KLF12: variants seen among roughly 807,000 people sequenced by gnomAD.
The protein encoded by KLF12 is Krueppel-like factor 12.
KLF12 carries 9 observed loss-of-function variants against 37.8 expected under a neutral mutation model. The ratio of observed to expected loss-of-function variants is 0.24; its 90% CI spans 0.14 to 0.42. The LOEUF is 0.42. Among genes scored for constraint, KLF12 ranks in the 10% least tolerant of loss-of-function variants. The pLI is 1.00. For synonymous variants in KLF12, 208 were observed against 202.1 expected, an observed-to-expected ratio of 1.03 and a Z score of -0.25; for missense variants, 411 against 516.0, an observed-to-expected ratio of 0.80 and a Z score of 1.97.
intron 2 of KLF12, among the ~76,000 whole-genome samples, chr13:73,992,388 T>C (rs1891991730): frequency 6.6e-6 from 1 of 152,202 alleles, no homozygotes; most frequent in Non-Finnish European, 1.5e-5. Flanking sequence ...CAAATCCAAG[T>C]GCAATGAAGC....
chr13:73,934,950 ATTAT>A (rs146314583), intron 3 of KLF12, among the ~76,000 whole-genome samples: 15,129 of 139,482 alleles, frequency 0.11, 833 homozygotes, highest in African/African-American at 0.13. Flanking sequence ...ATAGGTTTTT[ATTAT>A]TTATTTATTT....
chr13:73,936,987 C>T (rs961855036), intron 3 of KLF12, among the ~76,000 whole-genome samples: 1 of 152,084 alleles, frequency 6.6e-6, no homozygotes, highest in African/African-American at 2.4e-5. Flanking sequence ...GTCAGAAGAT[C>T]GAGACCATCC....
intron 5 of KLF12, among the ~76,000 whole-genome samples, chr13:73,803,430 A>C (rs1221811597): frequency 6.6e-6 from 1 of 152,076 alleles, no homozygotes; most frequent in Admixed American, 6.6e-5. Context: ...TAATCTTACC[A>C]GAGTTCTTCC....
chr13:74,242,252 T>C, the KLF12 span, among the ~76,000 whole-genome samples: 1 of 152,214 alleles, frequency 6.6e-6, no homozygotes, highest in Non-Finnish European at 1.5e-5. Flanking sequence ...TATTAGTCTG[T>C]CTTCATGCTG....
At chr13:74,145,733 A>G in the KLF12 span, among the ~76,000 whole-genome samples, 1 of 152,190 alleles carries the variant, frequency 6.6e-6, no homozygotes, top group African/African-American at 2.4e-5. Context: ...AGAAACATCA[A>G]AGTTAGAAAG....
intron 2 of KLF12, among the ~76,000 whole-genome samples, chr13:73,953,123 A>G (rs1322327919): frequency 1.3e-5 from 2 of 152,152 alleles, no homozygotes; most frequent in South Asian, 2.1e-4. Flanking sequence ...ATCCTCCTAT[A>G]TCCCTCAAAG....
At chr13:73,949,158 A>G (rs754367638) in intron 2 of KLF12, among the ~76,000 whole-genome samples, 6 of 152,184 alleles carry the variant, frequency 3.9e-5, no homozygotes, top group Non-Finnish European at 7.4e-5. Flanking sequence ...TGTGACCCCA[A>G]GCCAGCACTC....
At chr13:73,700,098 TATGTCTATCAA>T (rs1448457769) in intron 7 of KLF12, among the ~76,000 whole-genome samples, 1 of 151,912 alleles carries the variant, frequency 6.6e-6, no homozygotes, top group African/African-American at 2.4e-5. Flanking sequence ...AGCAAAACCT[TATGTCTATCAA>T]ATAAATAAAT....
At chr13:73,971,210 C>T (rs1397404601) in intron 2 of KLF12, among the ~76,000 whole-genome samples, 1 of 152,174 alleles carries the variant, frequency 6.6e-6, no homozygotes, top group Non-Finnish European at 1.5e-5. Context: ...ATAAATTAAA[C>T]TCTTCTTGCC....
intron 1 of KLF12, among the ~76,000 whole-genome samples, chr13:74,041,333 A>G (rs1893396957): frequency 6.6e-6 from 1 of 152,202 alleles, no homozygotes. Flanking sequence ...GGAAGTATTT[A>G]TATATCAAAA....
At chr13:73,935,264 C>T (rs1017545332) in intron 3 of KLF12, among the ~76,000 whole-genome samples, 2 of 152,150 alleles carry the variant, frequency 1.3e-5, no homozygotes, top group Non-Finnish European at 2.9e-5. Flanking sequence ...GCTGGGATTA[C>T]AGGCATGAGC....
At chr13:74,234,915 T>G in the KLF12 span, among the ~76,000 whole-genome samples, 2 of 152,136 alleles carry the variant, frequency 1.3e-5, no homozygotes, top group East Asian at 3.8e-4. Context: ...ATCTTAGAGA[T>G]AGTTCTGAAG....
chr13:73,922,337 T>C (rs993398311), intron 3 of KLF12, among the ~76,000 whole-genome samples: 3 of 152,158 alleles, frequency 2.0e-5, no homozygotes, highest in Non-Finnish European at 2.9e-5. Flanking sequence ...ATCATTCCTG[T>C]ATTTCAGGTA....
the KLF12 span, among the ~76,000 whole-genome samples, chr13:74,139,551 T>C: frequency 1.3e-5 from 2 of 152,234 alleles, no homozygotes; most frequent in African/African-American, 4.8e-5. Context: ...TCAAGCAACC[T>C]TCTTCTAAGT....
the KLF12 span, among the ~76,000 whole-genome samples, chr13:74,205,756 A>G: frequency 2.0e-5 from 3 of 152,138 alleles, no homozygotes; most frequent in South Asian, 4.1e-4. Flanking sequence ...ATTACTGGGT[A>G]GAGAGGTTGA....
At chr13:74,245,299 ATC>A in the KLF12 span, among the ~76,000 whole-genome samples, 1 of 120,308 alleles carries the variant, frequency 8.3e-6, no homozygotes, top group Non-Finnish European at 1.7e-5. Flanking sequence ...AAGTTTATCT[ATC>A]TATCTATCTA....
intron 2 of KLF12, among the ~76,000 whole-genome samples, chr13:73,983,875 G>T (rs1891751191): frequency 6.6e-6 from 1 of 152,212 alleles, no homozygotes; most frequent in Admixed American, 6.5e-5. Flanking sequence ...AAATAATCTT[G>T]CAGGTTCTCA....
At chr13:74,079,153 G>A (rs551973819) in intron 1 of KLF12, among the ~76,000 whole-genome samples, 1 of 152,126 alleles carries the variant, frequency 6.6e-6, no homozygotes, top group Non-Finnish European at 1.5e-5. Context: ...GTCACCAGAA[G>A]AAATCACTTA....
chr13:73,747,612 T>C (rs1234840233), intron 6 of KLF12, among the ~76,000 whole-genome samples: 1 of 152,198 alleles, frequency 6.6e-6, no homozygotes, highest in African/African-American at 2.4e-5. Context: ...CTTGTAATAA[T>C]AGTCAACACT....
Sources: allele counts gnomAD v4.1 joint callset (sites outside exome capture counted in the v4.1 genomes callset), GRCh38; gene constraint gnomAD v4.1.1; transcripts MANE v1.5; gene names NCBI Gene and HGNC (gene_info 2026-07-23, HGNC 2026-07-21).